The following GALNT2 variants were observed in gnomAD, a reference collection of about 807,000 sequenced individuals.
GALNT2 encodes the protein polypeptide N-acetylgalactosaminyltransferase 2.
GALNT2 carries 31 observed loss-of-function variants against 81.4 expected under a neutral mutation model. The observed-to-expected ratio is 0.38, with a 90% CI of 0.29 to 0.51. The LOEUF (loss-of-function observed/expected upper bound fraction) is 0.51. Among genes scored for constraint, GALNT2 ranks in the 20% least tolerant of loss-of-function variants. GALNT2 has a pLI of 0.87. For synonymous variants in GALNT2, 303 were observed against 287.4 expected (o/e 1.05, Z -0.55); for missense variants, 629 against 765.7 (o/e 0.82, Z 2.11).
chr1:230,215,905 T>C (rs998503977), intron 3 of GALNT2, among the ~76,000 whole-genome samples: 2 of 152,252 alleles, frequency 1.3e-5, no homozygotes, highest in Admixed American at 1.3e-4. Context: ...GAATGAACTG[T>C]TATTTTGTTA....
chr1:230,058,293 C>T (rs1196412275), intron 1 of GALNT2, among the ~76,000 whole-genome samples: 1 of 152,128 alleles, frequency 6.6e-6, no homozygotes, highest in Non-Finnish European at 1.5e-5. Flanking sequence ...GCGACATATT[C>T]CCTGGGAGCC....
At chr1:230,114,076 C>T (rs1464636952) in intron 1 of GALNT2, among the ~76,000 whole-genome samples, 9 of 152,126 alleles carry the variant, frequency 5.9e-5, no homozygotes, top group South Asian at 2.1e-4. Context: ...CCGTTTTTGA[C>T]GTGTGTTTCC....
At chr1:230,134,753 C>T (rs957270106) in intron 1 of GALNT2, among the ~76,000 whole-genome samples, 4 of 152,182 alleles carry the variant, frequency 2.6e-5, no homozygotes, top group African/African-American at 9.7e-5. Flanking sequence ...GATACAGCAG[C>T]GAGCAGGTGA....
At chr1:230,229,101 G>T (rs747168449) in intron 3 of GALNT2, among the ~76,000 whole-genome samples, 1 of 152,068 alleles carries the variant, frequency 6.6e-6, no homozygotes, top group Non-Finnish European at 1.5e-5. Context: ...TTACCCCAGG[G>T]TCACAGTTTG....
intron 11 of GALNT2, chr1:230,258,773 G>A (rs2102756751): frequency 6.6e-6 from 1 of 152,222 alleles, no homozygotes; most frequent in Non-Finnish European, 1.5e-5. Context: ...ACAAAAATAT[G>A]GATATATGTG....
chr1:230,154,000 A>T (rs1326366579), intron 1 of GALNT2, among the ~76,000 whole-genome samples: 1 of 152,218 alleles, frequency 6.6e-6, no homozygotes, highest in African/African-American at 2.4e-5. Flanking sequence ...AAGACTCAGA[A>T]ATGGTTTCTC....
intron 2 of GALNT2, among the ~76,000 whole-genome samples, chr1:230,183,918 C>A (rs1663236281): frequency 1.3e-5 from 2 of 151,468 alleles, no homozygotes; most frequent in Middle Eastern, 3.4e-3. Flanking sequence ...GCGGAGGCTG[C>A]AGTGAGCCGA....
upstream of GALNT2, among the ~76,000 whole-genome samples, chr1:230,066,663 T>C (rs1340342601): frequency 1.3e-5 from 2 of 152,194 alleles, no homozygotes; most frequent in East Asian, 1.9e-4. Flanking sequence ...CTCAGGTCAG[T>C]TGGCCAATAA....
intron 1 of GALNT2, among the ~76,000 whole-genome samples, chr1:230,116,629 C>T (rs547422220): frequency 2.6e-5 from 4 of 152,216 alleles, no homozygotes; most frequent in Non-Finnish European, 5.9e-5. Flanking sequence ...ACAGTATTCA[C>T]CTCCTTGTGC....
chr1:230,087,220 G>A (rs536611642), intron 1 of GALNT2, among the ~76,000 whole-genome samples: 37 of 152,340 alleles, frequency 2.4e-4, no homozygotes, highest in African/African-American at 8.9e-4. Flanking sequence ...TAGGGAAGGG[G>A]CCTGGCCTGC....
intron 3 of GALNT2, among the ~76,000 whole-genome samples, chr1:230,213,254 G>C (rs1170645169): frequency 1.3e-5 from 2 of 152,202 alleles, no homozygotes; most frequent in Admixed American, 6.5e-5. Context: ...AAGGAAACAG[G>C]CAATTACGTA....
At chr1:230,105,736 C>T (rs890630645) in intron 1 of GALNT2, among the ~76,000 whole-genome samples, 12 of 152,326 alleles carry the variant, frequency 7.9e-5, no homozygotes, top group African/African-American at 2.6e-4. Flanking sequence ...TTTGCATTCT[C>T]CATCAAGGTT....
chr1:230,115,473 G>A (rs2102794768), intron 1 of GALNT2, among the ~76,000 whole-genome samples: 1 of 152,148 alleles, frequency 6.6e-6, no homozygotes, highest in East Asian at 1.9e-4. Flanking sequence ...TGTGAATAGG[G>A]CAGTAGCCTT....
intron 2 of GALNT2, among the ~76,000 whole-genome samples, chr1:230,197,764 GCATGCGTGCGTA>G (rs374085406): frequency 6.6e-6 from 1 of 152,092 alleles, no homozygotes; most frequent in African/African-American, 2.4e-5. Flanking sequence ...GTGTGTGTGT[GCATGCGTGCGTA>G]CATGCGTGCG....
rs908753852 is a variant in GALNT2 at position 230,271,856 on chromosome 1, A to G, written c.1441-2589A>G. ...TTGACGGAGGCCTCATCACATGGGCATGATCTCCAGCTCCTCTTCCCTTCC... is the reference window on the plus strand; with the variant it reads ...TTGACGGAGGCCTCATCACATGGGCGTGATCTCCAGCTCCTCTTCCCTTCC... On this transcript the variant is annotated intron_variant, in intron 14 of 15. Coordinates refer to ENST00000366672, the MANE Select transcript of GALNT2 (RefSeq NM_004481.5). The surrounding 1 kb of genome is among the most constrained non-coding windows in gnomAD (Gnocchi z 4.2). Among the ~76,000 whole-genome samples, 4 of 152,224 alleles carry G rather than the reference A, an allele frequency of 2.6e-5. No individual in the cohort carries two copies. The highest frequency in any genetic ancestry group is 7.2e-5 in the African/African-American group (3 of 41,460).
At position 230,275,103 on chromosome 1, in the gene GALNT2, A is replaced by G. The variant is rs1208858902; in HGVS notation, c.1560+539A>G. ...ACACCACATATATATACATGTATAC[A>G]CACCACATATATATACATATATATA... On this transcript the variant is annotated intron_variant, in intron 15 of 15. Transcript: ENST00000366672. This position sits in a 1 kb window ranked among gnomAD's most constrained non-coding sequence, Gnocchi z 5.5. Among the ~76,000 whole-genome samples the G allele has an allele frequency of 1.3e-5, 2 of 150,438 alleles. No homozygotes were observed. The highest frequency in any genetic ancestry group is 6.6e-5 in the Admixed American group (1 of 15,164).
chr1:230,161,913 C>T (rs2281719), intron 1 of GALNT2, among the ~76,000 whole-genome samples: 69,123 of 152,008 alleles, frequency 0.45, 18,873 homozygotes, highest in Non-Finnish European at 0.61. Context: ...ATTTCTGCAA[C>T]CACCATGTTC....
In GALNT2 at chr1:230,242,852, A is replaced by T. The variant is rs1265056399; in HGVS notation, c.608-454A>T. ...TGCAACTTATGTTATTTAGCTCCTG[A>T]TAAGTCTTAGAAGACAGAGATAGTC... On this transcript the variant is annotated intron_variant, in intron 6 of 15. Coordinates refer to ENST00000366672, the MANE Select transcript of GALNT2 (RefSeq NM_004481.5). 2.6e-5 allele frequency among the ~76,000 whole-genome samples: 4 copies of T among 152,238 alleles called. No individual in the cohort carries two copies. The South Asian group carries it at 8.3e-4, about 32-fold the overall frequency.
intron 1 of GALNT2, among the ~76,000 whole-genome samples, chr1:230,151,349 G>C (rs575022191): frequency 1.3e-5 from 2 of 152,314 alleles, no homozygotes; most frequent in African/African-American, 4.8e-5. Flanking sequence ...GGTGATGGTA[G>C]AAGATGAGGG....
Sources: gnomAD v4.1 joint callset for allele counts (sites outside exome capture counted in the v4.1 genomes callset) on GRCh38, gnomAD v4.1.1 for gene constraint, Gnocchi (gnomAD v3.1) non-coding constraint, MANE v1.5 for transcripts, NCBI Gene and HGNC (gene_info 2026-07-23, HGNC 2026-07-21) for gene names.